The following ERBB2 variants were observed in gnomAD, a reference collection of about 807,000 sequenced individuals.
ERBB2 encodes the protein receptor tyrosine-protein kinase erbB-2.
A neutral mutation model predicts 149.0 loss-of-function variants in ERBB2; 61 were observed. The ratio of observed to expected loss-of-function variants is 0.41; its 90% CI spans 0.33 to 0.51. The LOEUF is 0.51. Ranked by LOEUF, ERBB2 falls within the 20% of genes least tolerant of loss-of-function variation. ERBB2 has a pLI of 0.25. For missense variants in ERBB2, 1,205 were observed against 1,655.1 expected (o/e 0.73, Z 4.72); for synonymous variants, 633 against 678.8 (o/e 0.93, Z 1.05).
At chr17:39,698,260 ATT>A (rs200013520), upstream of ERBB2, among the ~76,000 whole-genome samples, 30 of 140,188 alleles carry the variant, frequency 2.1e-4, no homozygotes, top group Non-Finnish European at 2.2e-4. Flanking sequence ...TAGAGTCAAG[ATT>A]TTTTTTTTTT....
intron 8 of ERBB2, 29 bp from the exon 9 acceptor site, chr17:39,712,293 C>G (rs981393035): frequency 1.2e-6 from 2 of 1,612,676 alleles, no homozygotes; most frequent in African/African-American, 2.7e-5. Context: ...CTGAGACGGC[C>G]CCTTCCCCAC....
intron 11 of ERBB2, 42 bp from the exon 12 acceptor site, chr17:39,715,698 C>T (rs370006622): frequency 8.2e-5 from 131 of 1,598,962 alleles, no homozygotes; most frequent in Non-Finnish European, 9.8e-5. Flanking sequence ...CTTTGCTGAC[C>T]GGGAAGGGGT....
chr17:39,710,138 C>T lies in ERBB2; in HGVS notation c.696C>T (p.Pro232=). The T allele has an allele frequency of 6.2e-7, 1 of 1,611,988 alleles. No individual in the cohort carries two copies. ...GTGCCCGCTGCAAGGGGCCACTGCC[C>T]ACTGACTGCTGCCATGAGCAGTGTG... is the stretch of plus-strand genomic sequence containing the variant. ...GGCARCKGPL[P]TDCCHEQCAA... is the part of the protein sequence containing the mutation. Residue 232 remains proline, a synonymous_variant, in exon 6 of 27, where the codon CCC becomes CCT. Coordinates refer to ENST00000269571, the MANE Select transcript of ERBB2 (RefSeq NM_004448.4).
Position 39,727,358 on chromosome 17 carries a change from C to T in ERBB2, c.3223C>T (p.Leu1075=), listed in dbSNP as rs2143238764. The T allele has an allele frequency of 6.2e-7, 1 of 1,611,894 alleles. No homozygotes were observed. Among genetic ancestry groups the T allele is most frequent in the Non-Finnish European group, 8.5e-7 (1 of 1,179,234 alleles). The change falls in exon 26 of 27, where the codon CTG becomes TTG. Residue 1075 remains leucine, a synonymous_variant. Coordinates refer to ENST00000269571, the MANE Select transcript of ERBB2 (RefSeq NM_004448.4). The surrounding 1 kb of genome is among the most constrained non-coding windows in gnomAD (Gnocchi z 4.3). The part of the protein sequence containing the change: ...PSEEEAPRSP[L]APSEGAGSDV... ...TGAAGAGGAGGCCCCCAGGTCTCCA[C>T]TGGCACCCTCCGAAGGGGCTGGCTC...
Position 39,711,939 on chromosome 17 carries a change from T to C in ERBB2, c.913T>C (p.Ser305Pro), listed in dbSNP as rs2058823533. Reference sequence around the variant, plus strand: ...CCTGATCTCCTTAGACAACTACCTTTCTACGGACGTGGGATCCTGCACCCT... The same window carrying C: ...CCTGATCTCCTTAGACAACTACCTTCCTACGGACGTGGGATCCTGCACCCT... ...CVTACPYNYLSTDVGSCTLVC... is the reference protein window; with the variant it reads ...CVTACPYNYLPTDVGSCTLVC... Residue 305 changes from serine to proline, a missense_variant, in exon 8 of 27, where the codon TCT becomes CCT. Transcript: ENST00000269571. The C allele has an allele frequency of 6.2e-7, 1 of 1,614,048 alleles. No homozygotes were observed. Among genetic ancestry groups the C allele is most frequent in the Non-Finnish European group, 8.5e-7 (1 of 1,180,018 alleles).
At chr17:39,704,002 T>C (rs1181691226) in intron 1 of ERBB2, among the ~76,000 whole-genome samples, 1 of 152,226 alleles carries the variant, frequency 6.6e-6, no homozygotes, top group East Asian at 1.9e-4. Context: ...GGTCAAGTCC[T>C]GACCACCAGA....
Position 39,725,518 on chromosome 17 carries a change from C to CACAGGCAGCCCCT in ERBB2, c.2725+116_2725+117insACAGGCAGCCCCT. The CACAGGCAGCCCCT allele has an allele frequency of 1.6e-6, 2 of 1,254,762 alleles. No homozygotes were observed. Among genetic ancestry groups the CACAGGCAGCCCCT allele is most frequent in the Non-Finnish European group, 2.3e-6 (2 of 878,704 alleles). 77.7% of individuals were successfully genotyped at this position (1,254,762 alleles called of 1,614,324 possible). A position where few individuals can be genotyped will look rare whatever the true frequency, so the allele number is the denominator to read the frequency against. The stretch of plus-strand genomic sequence containing the variant: ...TCAGCATGTGAAGGGAGGGAAGGGG[C>CACAGGCAGCCCCT]TGCCTGTGCCCCACCTTGCAGGGTC... On this transcript the variant is annotated intron_variant, in intron 22 of 26. Transcript: ENST00000269571. This position sits in a 1 kb window ranked among gnomAD's most constrained non-coding sequence, Gnocchi z 4.6.
intron 15 of ERBB2, 182 bp downstream of exon 15, chr17:39,717,662 T>C (rs1020028112): frequency 9.5e-6 from 5 of 526,064 alleles, no homozygotes; most frequent in Non-Finnish European, 1.6e-5. Flanking sequence ...CTAGCAGTTC[T>C]ATCCCCACTG....
chr17:39,712,560 A>C (rs1031546774), intron 9 of ERBB2, 112 bp downstream of exon 9: 1 of 1,322,350 alleles, frequency 7.6e-7, no homozygotes, highest in Admixed American at 2.1e-5. Context: ...GGGGATCAAG[A>C]ATGCAAAGAA....
upstream of ERBB2, among the ~76,000 whole-genome samples, chr17:39,699,288 T>C (rs12947247): frequency 0.089 from 13,520 of 151,958 alleles, 1,428 homozygotes; most frequent in African/African-American, 0.25. Flanking sequence ...GGAGAAACCC[T>C]GTCTTTACTA....
chr17:39,699,563 C>T (rs781138665), upstream of ERBB2: 2 of 1,533,258 alleles, frequency 1.3e-6, no homozygotes, highest in South Asian at 2.4e-5. Flanking sequence ...AGAAGATATG[C>T]CCCGGGGGTC....
In ERBB2 at chr17:39,716,432, G is replaced by T. The variant is rs532713027; in HGVS notation, c.1645G>T (p.Gly549Trp). The change falls in exon 13 of 27, where the codon GGG (glycine) becomes TGG (tryptophan). Residue 549 changes from glycine to tryptophan, a missense_variant and splice_region_variant. Coordinates refer to ENST00000269571, the MANE Select transcript of ERBB2 (RefSeq NM_004448.4). Reference protein sequence around the residue: ...ECVEECRVLQGLPREYVNARH... With the variant: ...ECVEECRVLQWLPREYVNARH... ...CGTGGAGGAATGCCGAGTACTGCAG[G>T]GGTATGAGGGGCGGAGGAGAGGGTG... 3.7e-6 allele frequency: 6 copies of T among 1,611,688 alleles called. No homozygotes were observed. Among genetic ancestry groups the T allele is most frequent in the Non-Finnish European group, 5.1e-6 (6 of 1,178,116 alleles).
In ERBB2 at chr17:39,727,585, G is replaced by A. The variant is rs2143268237; in HGVS notation, c.3412+38G>A. On this transcript the variant is annotated intron_variant, in intron 26 of 26. Coordinates refer to ENST00000269571, the MANE Select transcript of ERBB2 (RefSeq NM_004448.4). This position sits in a 1 kb window ranked among gnomAD's most constrained non-coding sequence, Gnocchi z 4.3. ...GTCTAAGCAGAGAGACTGATGGGCA[G>A]GGGAGGTGGGACCTTCAGCCCAGGG... The A allele has an allele frequency of 1.3e-6, 2 of 1,581,784 alleles. No individual in the cohort carries two copies. The highest frequency in any genetic ancestry group is 1.7e-6 in the Non-Finnish European group (2 of 1,171,172).
Position 39,726,494 on chromosome 17 carries a change from A to G in ERBB2, c.2873-68A>G. ...ACTGTCTAGACCAGACTGGAGGGGG[A>G]GTGGGAGGGGAGAGGCAGCAAGCAC... On this transcript the variant is annotated intron_variant, in intron 23 of 26. Transcript: ENST00000269571. The surrounding 1 kb of genome is among the most constrained non-coding windows in gnomAD (Gnocchi z 5.1). 7.8e-6 allele frequency: 10 copies of G among 1,287,272 alleles called. No homozygotes were observed. The highest frequency in any genetic ancestry group is 1.5e-5 in the African/African-American group (1 of 68,358). The allele number at this position is 1,287,272 out of a possible 1,614,324, so 79.7% of individuals were successfully genotyped here.
At position 39,711,755 on chromosome 17, in the gene ERBB2, G is replaced by T. The variant is rs1469960139; in HGVS notation, c.902-173G>T. Among the ~76,000 whole-genome samples the T allele has an allele frequency of 2.6e-5, 4 of 152,226 alleles. No individual in the cohort carries two copies. The East Asian group carries it at 7.7e-4, about 29-fold the overall frequency. ...CTTTTTGCAAAATGGGAATCTCACA[G>T]TGCTGATCCCGTCTGGTTGTTGTGA... On this transcript the variant is annotated intron_variant, in intron 7 of 26. Transcript: ENST00000269571.
Position 39,708,200 on chromosome 17 carries a change from G to A in ERBB2, c.226-121G>A, listed in dbSNP as rs969303761. Reference sequence around the variant, plus strand: ...CTATTTTATCGTTTTATTTAAGCGGGAACAGGACTGCTCAGTGGCTGGGGG... The same window carrying A: ...CTATTTTATCGTTTTATTTAAGCGGAAACAGGACTGCTCAGTGGCTGGGGG... On this transcript the variant is annotated intron_variant, in intron 2 of 26. Coordinates refer to ENST00000269571, the MANE Select transcript of ERBB2 (RefSeq NM_004448.4). 8 of 664,586 alleles carry A rather than the reference G, an allele frequency of 1.2e-5. No homozygotes were observed. In the African/African-American group the frequency reaches 1.4e-4, roughly 12 times the overall value. The allele number at this position is 664,586 out of a possible 1,614,324, so 41.2% of individuals were successfully genotyped here.
rs2145518140 is a variant in ERBB2, at chr17:39,710,359, A to G, written c.779A>G (p.His260Arg). The change falls in exon 7 of 27, where the codon CAC becomes CGC. Residue 260 changes from histidine to arginine, a missense_variant. Coordinates refer to ENST00000269571, the MANE Select transcript of ERBB2 (RefSeq NM_004448.4). ...SDCLACLHFN[H>R]SGICELHCPA... ...CCCCAGGCCTGCCTCCACTTCAACC[A>G]CAGTGGCATCTGTGAGCTGCACTGC... The G allele has an allele frequency of 6.2e-7, 1 of 1,614,162 alleles. No individual in the cohort carries two copies. Among genetic ancestry groups the G allele is most frequent in the Non-Finnish European group, 8.5e-7 (1 of 1,180,038 alleles).
intron 19 of ERBB2, among the ~76,000 whole-genome samples, chr17:39,724,447 A>T (rs928901527): frequency 4.6e-5 from 7 of 151,564 alleles, no homozygotes; most frequent in Non-Finnish European, 1.0e-4. Context: ...TTTAGTAGAG[A>T]TGGGATTTCA....
rs759860859 is a variant in ERBB2, at chr17:39,716,290, C to T, written c.1514-11C>T. On this transcript the variant is annotated splice_polypyrimidine_tract_variant and intron_variant, in intron 12 of 26. Transcript: ENST00000269571. ...TAAAAGTCCCCTGCGGTCCCTTCCT[C>T]CTCACTGCAGTGGGCGAGGGCCTGG... 8.9e-6 allele frequency: 14 copies of T among 1,574,824 alleles called. No homozygotes were observed. The highest frequency in any genetic ancestry group is 1.2e-5 in the South Asian group (1 of 86,184).
Sources: allele counts gnomAD v4.1 joint callset (sites outside exome capture counted in the v4.1 genomes callset), GRCh38; gene constraint gnomAD v4.1.1; non-coding constraint Gnocchi (gnomAD v3.1); transcripts MANE v1.5; gene names NCBI Gene and HGNC (gene_info 2026-07-23, HGNC 2026-07-21).